The following ASB3 variants were observed in gnomAD, a reference collection of about 807,000 sequenced individuals.
ASB3 encodes ankyrin repeat and SOCS box containing 3.
Under a neutral mutation model 54.5 loss-of-function variants are expected in ASB3, and 41 were observed. The observed-to-expected ratio is 0.75, with a 90% confidence interval of 0.59 to 0.98. ASB3 has a LOEUF of 0.98. ASB3 is among the 50% of genes least tolerant of loss of function. ASB3 has a pLI of 0.00. For missense variants in ASB3, 733 were observed against 620.0 expected, an observed-to-expected ratio of 1.18 and a Z score of -1.94; for synonymous variants, 266 against 221.2, an observed-to-expected ratio of 1.20 and a Z score of -1.80.
At chr2:53,677,060 C>T (rs932951148) in intron 9 of ASB3, among the ~76,000 whole-genome samples, 5 of 152,164 alleles carry the variant, frequency 3.3e-5, no homozygotes, top group Admixed American at 6.5e-5. Context: ...TGAGCCACCG[C>T]GCCCGGCCTA....
chr2:53,778,078 G>C (rs1423457994), intron 1 of ASB3, among the ~76,000 whole-genome samples: 2 of 150,742 alleles, frequency 1.3e-5, no homozygotes, highest in Non-Finnish European at 2.9e-5. Flanking sequence ...GAACCCAGGA[G>C]GCAGAGGTTG....
rs896391762 is a variant in ASB3, at chr2:53,751,008, G to C, written c.197-67C>G. The C allele has an allele frequency of 4.3e-6, 6 of 1,400,282 alleles. No individual in the cohort carries two copies. In the African/African-American group the frequency reaches 8.8e-5, roughly 20 times the overall value. The allele number at this position is 1,400,282 out of a possible 1,614,324, so 86.7% of individuals were successfully genotyped here. On this transcript the variant is annotated intron_variant, in intron 2 of 9. Coordinates refer to ENST00000263634, the MANE Select transcript of ASB3 (RefSeq NM_016115.5). ...CTATTTCCTGGTTTTAAAAAGCAAA[G>C]ATTCCAAGAGGAATTTAATGAACTA...
At position 53,670,342 on chromosome 2, in the gene ASB3, T is replaced by A. The variant is rs1572809186; in HGVS notation, c.*161A>T. The A allele has an allele frequency of 1.9e-5, 6 of 318,168 alleles. No homozygotes were observed. The highest frequency in any genetic ancestry group is 7.4e-5 in the East Asian group (1 of 13,426). 19.7% of individuals were successfully genotyped at this position (318,168 alleles called of 1,614,324 possible). ...TTACTGGGAAGGCTAGTTGTAAACA[T>A]AAACATTCTCACTGAACTACTGGCC... On this transcript the variant is annotated 3_prime_UTR_variant, in exon 10 of 10. Coordinates refer to ENST00000263634, the MANE Select transcript of ASB3 (RefSeq NM_016115.5).
At chr2:53,716,303 A>G (rs1278191384) in intron 6 of ASB3, among the ~76,000 whole-genome samples, 1 of 152,172 alleles carries the variant, frequency 6.6e-6, no homozygotes, top group East Asian at 1.9e-4. Context: ...AACTAGAGAA[A>G]TCAATGGGAA....
At chr2:53,761,060 C>T (rs1673116499) in intron 2 of ASB3, among the ~76,000 whole-genome samples, 3 of 152,166 alleles carry the variant, frequency 2.0e-5, no homozygotes, top group Non-Finnish European at 2.9e-5. Context: ...GTCGGCCAAC[C>T]TCCCCAACAG....
At chr2:53,701,923 C>G (rs1669516241) in intron 7 of ASB3, among the ~76,000 whole-genome samples, 1 of 152,126 alleles carries the variant, frequency 6.6e-6, no homozygotes, top group Non-Finnish European at 1.5e-5. Context: ...TAGATCCATT[C>G]CTCTTTTAGG....
intron 3 of ASB3, among the ~76,000 whole-genome samples, chr2:53,733,445 C>CT (rs57956105): frequency 1.3e-3 from 194 of 144,820 alleles, no homozygotes; most frequent in African/African-American, 3.5e-3. Flanking sequence ...TCTCCACTTC[C>CT]TTTTTTTTTT....
rs1444609395 is a variant in ASB3, at chr2:53,670,327, G to A, written c.*176C>T. ...TTTTTTTTTTTTTTTTTACTGGGAAGGCTAGTTGTAAACATAAACATTCTC... is the reference window on the plus strand; with the variant it reads ...TTTTTTTTTTTTTTTTTACTGGGAAAGCTAGTTGTAAACATAAACATTCTC... On this transcript the variant is annotated 3_prime_UTR_variant, in exon 10 of 10. Coordinates refer to ENST00000263634, the MANE Select transcript of ASB3 (RefSeq NM_016115.5). 1.5e-5 allele frequency: 5 copies of A among 338,240 alleles called. No homozygotes were observed. Among genetic ancestry groups the A allele is most frequent in the African/African-American group, 1.2e-4 (5 of 42,636 alleles). The allele number at this position is 338,240 out of a possible 1,614,324, so 21.0% of individuals were successfully genotyped here.
At chr2:53,721,774 C>G (rs969481083) in intron 5 of ASB3, among the ~76,000 whole-genome samples, 1 of 151,988 alleles carries the variant, frequency 6.6e-6, no homozygotes, top group East Asian at 1.9e-4. Flanking sequence ...CAATATCACA[C>G]TTCGAGGAAT....
At chr2:53,776,732 T>C (rs1674359639) in intron 1 of ASB3, among the ~76,000 whole-genome samples, 1 of 152,296 alleles carries the variant, frequency 6.6e-6, no homozygotes, top group South Asian at 2.1e-4. Context: ...GGCAGAACTA[T>C]TGCCTGAACC....
rs886386567 is a variant in ASB3, at chr2:53,781,393, C to T, written c.-14+5428G>A. Among the ~76,000 whole-genome samples the T allele has an allele frequency of 2.8e-5, 4 of 141,688 alleles. No individual in the cohort carries two copies. The East Asian group carries it at 6.1e-4, about 22-fold the overall frequency. 93.0% of individuals were successfully genotyped at this position (141,688 alleles called of 152,430 possible). A position where few individuals can be genotyped will look rare whatever the true frequency, so the allele number is the denominator to read the frequency against. On this transcript the variant is annotated intron_variant, in intron 1 of 9. Coordinates refer to ENST00000263634, the MANE Select transcript of ASB3 (RefSeq NM_016115.5). ...TGCCATTGCACTCTAGTCTAGGCAA[C>T]AAAGTGAGACTCTGTCTCCAAAAAA...
chr2:53,703,298 T>C (rs1370214789), intron 7 of ASB3, among the ~76,000 whole-genome samples: 1 of 152,226 alleles, frequency 6.6e-6, no homozygotes, highest in Non-Finnish European at 1.5e-5. Context: ...GGACAAAAAC[T>C]GCTTTTGTTG....
At chr2:53,770,764 TA>T (rs952234660) in intron 1 of ASB3, among the ~76,000 whole-genome samples, 3 of 152,096 alleles carry the variant, frequency 2.0e-5, no homozygotes, top group African/African-American at 7.2e-5. Flanking sequence ...AATGGGAAAA[TA>T]AAATTGCCTA....
chr2:53,763,437 A>G, intron 2 of ASB3: 1 of 169,346 alleles, frequency 5.9e-6, no homozygotes, highest in South Asian at 2.0e-4. Context: ...GATGGAAGAT[A>G]ATAGCATTTG....
rs547780181 is a variant in ASB3 at position 53,719,672 on chromosome 2, C to G, written c.605-2929G>C. Among the ~76,000 whole-genome samples, 76 of 152,198 alleles carry G rather than the reference C, an allele frequency of 5.0e-4. 1 individual carries two copies. Among genetic ancestry groups the G allele is most frequent in the Non-Finnish European group, 7.1e-4 (48 of 68,018 alleles). On this transcript the variant is annotated intron_variant, in intron 5 of 9. Coordinates refer to ENST00000263634, the MANE Select transcript of ASB3 (RefSeq NM_016115.5). ...TCCAAGCTTGTGATAAGCCCCCTCA[C>G]CCTAAAACCAATATATACTCATGTA...
intron 9 of ASB3, among the ~76,000 whole-genome samples, chr2:53,688,554 A>G (rs886664533): frequency 6.6e-6 from 1 of 152,212 alleles, no homozygotes; most frequent in Admixed American, 6.5e-5. Flanking sequence ...GACAAGATCT[A>G]TTGTGAAAAT....
At chr2:53,767,592 C>A in intron 1 of ASB3, 1 of 347,540 alleles carries the variant, frequency 2.9e-6, no homozygotes, top group Non-Finnish European at 5.4e-6. Context: ...TAGTTTTCTG[C>A]ACACGGGCAC....
chr2:53,737,793 A>G (rs1331236024), intron 3 of ASB3, among the ~76,000 whole-genome samples: 1 of 152,064 alleles, frequency 6.6e-6, no homozygotes, highest in Non-Finnish European at 1.5e-5. Flanking sequence ...TTTCGAGAAC[A>G]CTTTGAATAT....
chr2:53,748,112 G>A (rs993337230), intron 3 of ASB3, among the ~76,000 whole-genome samples: 2 of 152,176 alleles, frequency 1.3e-5, no homozygotes, highest in South Asian at 4.1e-4. Flanking sequence ...GAATCACAGT[G>A]AAGATCCAAT....
Sources: gnomAD v4.1 joint callset for allele counts (sites outside exome capture counted in the v4.1 genomes callset) on GRCh38, gnomAD v4.1.1 for gene constraint, MANE v1.5 for transcripts, NCBI Gene and HGNC (gene_info 2026-07-23, HGNC 2026-07-21) for gene names.